The following PLCL2 variants were observed in gnomAD, a reference collection of about 807,000 sequenced individuals.
PLCL2 encodes the protein inactive phospholipase C-like protein 2.
In PLCL2, 4 loss-of-function variants were observed where a neutral mutation model predicts 79.6. The observed-to-expected ratio is 0.05, with a 90% confidence interval of 0.02 to 0.11. The LOEUF (loss-of-function observed/expected upper bound fraction) is 0.11, where lower values mean the gene tolerates loss of function less well. Ranked by LOEUF, PLCL2 falls within the 10% of genes least tolerant of loss-of-function variation. The probability of loss-of-function intolerance (pLI) is 1.00; values close to 1 mark genes in which losing one functional copy is unlikely to be tolerated. For missense variants in PLCL2, 895 were observed against 1,291.0 expected (o/e 0.69, Z 4.70); for synonymous variants, 484 against 457.7 (o/e 1.06, Z -0.73).
intron 1 of PLCL2, among the ~76,000 whole-genome samples, chr3:16,993,621 G>T (rs2064125613): frequency 6.6e-6 from 1 of 152,322 alleles, no homozygotes; most frequent in South Asian, 2.1e-4. Context: ...CTTGCAGGTA[G>T]AATTTGTCCA....
Position 16,886,798 on chromosome 3 carries a change from A to T in PLCL2, c.327+1432A>T, listed in dbSNP as rs543227773. Among the ~76,000 whole-genome samples, 104 of 152,312 alleles carry T rather than the reference A, an allele frequency of 6.8e-4. 1 individual carries two copies. The highest frequency in any genetic ancestry group is 2.4e-3 in the African/African-American group (100 of 41,568). On this transcript the variant is annotated intron_variant, in intron 1 of 5. Transcript: ENST00000615277. The surrounding 1 kb of genome is among the most constrained non-coding windows in gnomAD (Gnocchi z 4.2). ...TCAACTGTGCATGATAATCAATCCT[A>T]TTGACAGAGTTAGGTGACATTTCTG...
At chr3:16,992,585 G>T (rs1448273358) in intron 1 of PLCL2, among the ~76,000 whole-genome samples, 1 of 152,218 alleles carries the variant, frequency 6.6e-6, no homozygotes, top group Non-Finnish European at 1.5e-5. Flanking sequence ...AAGGTGTGTG[G>T]TGAGCACAGG....
chr3:16,919,747 C>G (rs967484567), intron 1 of PLCL2, among the ~76,000 whole-genome samples: 2 of 152,034 alleles, frequency 1.3e-5, no homozygotes, highest in African/African-American at 4.8e-5. Flanking sequence ...GAGGGGACAC[C>G]TGTTTTCTTG....
chr3:17,085,333 C>T (rs13077235), intron 5 of PLCL2, among the ~76,000 whole-genome samples: 19,563 of 152,086 alleles, frequency 0.13, 1,727 homozygotes, highest in Non-Finnish European at 0.18. Flanking sequence ...GATGGGGTTT[C>T]GCCAGGTTGC....
At chr3:16,997,431 T>C (rs1351385915) in intron 1 of PLCL2, among the ~76,000 whole-genome samples, 11 of 151,682 alleles carry the variant, frequency 7.3e-5, no homozygotes, top group African/African-American at 2.7e-4. Flanking sequence ...ATGAGTGTTT[T>C]GTAGAAAGCT....
chr3:17,029,869 C>T (rs576414351), intron 3 of PLCL2, among the ~76,000 whole-genome samples: 3 of 152,326 alleles, frequency 2.0e-5, no homozygotes, highest in African/African-American at 4.8e-5. Flanking sequence ...CTTATCTCAC[C>T]TGCCACCATG....
chr3:17,062,151 A>G (rs2064959471), intron 4 of PLCL2, among the ~76,000 whole-genome samples: 1 of 152,164 alleles, frequency 6.6e-6, no homozygotes, highest in African/African-American at 2.4e-5. Context: ...GAGCAGCCAC[A>G]CCAGGCCAGC....
At chr3:17,027,024 T>C (rs1027900633) in intron 3 of PLCL2, among the ~76,000 whole-genome samples, 1 of 152,226 alleles carries the variant, frequency 6.6e-6, no homozygotes, top group Admixed American at 6.5e-5. Context: ...AACTAAGCCC[T>C]GTCTTTATTG....
intron 5 of PLCL2, among the ~76,000 whole-genome samples, chr3:17,077,373 T>G (rs1312836684): frequency 1.3e-5 from 2 of 152,210 alleles, no homozygotes; most frequent in African/African-American, 4.8e-5. Flanking sequence ...TGGTTGTGTT[T>G]GAGATAGAAC....
intron 1 of PLCL2, among the ~76,000 whole-genome samples, chr3:16,901,963 G>A (rs966535652): frequency 5.3e-5 from 8 of 152,176 alleles, no homozygotes; most frequent in African/African-American, 1.9e-4. Context: ...CCTCATTCTG[G>A]ACAACTTGTT....
intron 1 of PLCL2, among the ~76,000 whole-genome samples, chr3:16,932,803 G>T (rs1016863528): frequency 6.6e-6 from 1 of 152,188 alleles, no homozygotes; most frequent in African/African-American, 2.4e-5. Context: ...CTGTAGCCCA[G>T]TACTGATTAA....
chr3:17,027,157 G>T (rs924926967), intron 3 of PLCL2, among the ~76,000 whole-genome samples: 2 of 151,994 alleles, frequency 1.3e-5, no homozygotes, highest in African/African-American at 4.8e-5. Flanking sequence ...AGTGCATGTC[G>T]CATATCAAAC....
chr3:16,989,804 A>G (rs576490106), intron 1 of PLCL2, among the ~76,000 whole-genome samples: 2 of 152,356 alleles, frequency 1.3e-5, no homozygotes, highest in South Asian at 2.1e-4. Context: ...ATTTCTTGTT[A>G]GCCCTTTAAT....
rs557930171 is a variant in PLCL2, at chr3:16,937,280, A to C, written c.327+51914A>C. Among the ~76,000 whole-genome samples, 13 of 152,350 alleles carry C rather than the reference A, an allele frequency of 8.5e-5. No individual in the cohort carries two copies. In the East Asian group the frequency reaches 2.5e-3, roughly 29 times the overall value. On this transcript the variant is annotated intron_variant, in intron 1 of 5. Coordinates refer to ENST00000615277, the MANE Select transcript of PLCL2 (RefSeq NM_001144382.2). ...GGGAGGAACCCTGTAACTAAACTTC[A>C]TGAAAATATAATTAAATTTCATAGC...
At chr3:17,002,347 C>G (rs1017659211) in intron 1 of PLCL2, among the ~76,000 whole-genome samples, 1 of 152,022 alleles carries the variant, frequency 6.6e-6, no homozygotes, top group East Asian at 1.9e-4. Flanking sequence ...ATTTGGATCC[C>G]CTTTCTCTCT....
chr3:17,084,964 A>G (rs965669366), intron 5 of PLCL2, among the ~76,000 whole-genome samples: 7 of 152,198 alleles, frequency 4.6e-5, no homozygotes, highest in Admixed American at 6.5e-5. Flanking sequence ...TAAAAGGTAT[A>G]TATCTTGAGA....
intron 1 of PLCL2, among the ~76,000 whole-genome samples, chr3:16,888,855 C>T (rs1186532499): frequency 6.6e-6 from 1 of 152,134 alleles, no homozygotes; most frequent in Non-Finnish European, 1.5e-5. Context: ...TTGGTTGATA[C>T]TTTAAAAAAT....
At chr3:16,889,962 A>G (rs1353681215) in intron 1 of PLCL2, among the ~76,000 whole-genome samples, 1 of 152,240 alleles carries the variant, frequency 6.6e-6, no homozygotes, top group African/African-American at 2.4e-5. Flanking sequence ...TAGCTGGATA[A>G]CAAAGTGAAT....
chr3:17,057,171 T>C (rs1253621338), intron 4 of PLCL2, among the ~76,000 whole-genome samples: 2 of 152,210 alleles, frequency 1.3e-5, no homozygotes, highest in East Asian at 3.8e-4. Flanking sequence ...GTCATGTTCC[T>C]CGGGCAAAGG....
Sources: allele counts gnomAD v4.1 joint callset (sites outside exome capture counted in the v4.1 genomes callset), GRCh38; gene constraint gnomAD v4.1.1; non-coding constraint Gnocchi (gnomAD v3.1); transcripts MANE v1.5; gene names NCBI Gene and HGNC (gene_info 2026-07-23, HGNC 2026-07-21).